Variants in ZNF438 observed in about 807,000 individuals in gnomAD.
ZNF438 encodes zinc finger protein 438.
Under a neutral mutation model 38.0 loss-of-function variants are expected in ZNF438, and 25 were observed. That is an observed-to-expected ratio of 0.66 (90% confidence interval 0.48 to 0.92). The LOEUF (loss-of-function observed/expected upper bound fraction) is 0.92, where lower values mean the gene tolerates loss of function less well. ZNF438 is among the 40% of genes least tolerant of loss of function. The pLI, the probability that ZNF438 is intolerant of heterozygous loss-of-function variation, is 0.00. For missense variants in ZNF438, 1,007 were observed against 999.6 expected (o/e 1.01, Z -0.10); for synonymous variants, 372 against 364.1 (o/e 1.02, Z -0.25).
intron 1 of ZNF438, among the ~76,000 whole-genome samples, chr10:31,025,822 A>G (rs1031692446): frequency 6.6e-6 from 1 of 152,202 alleles, no homozygotes. Flanking sequence ...TGAAGCAAAA[A>G]TAAGTGCTAC....
chr10:30,940,561 T>C (rs950838438), intron 2 of ZNF438, among the ~76,000 whole-genome samples: 5 of 152,192 alleles, frequency 3.3e-5, no homozygotes, highest in African/African-American at 1.2e-4. Context: ...AAAAGCCCAG[T>C]TGGCTCAAGT....
chr10:30,929,892 T>C (rs182029784), intron 2 of ZNF438, among the ~76,000 whole-genome samples: 1 of 152,296 alleles, frequency 6.6e-6, no homozygotes, highest in African/African-American at 2.4e-5. Flanking sequence ...TTGGTGCATT[T>C]ACAAACCCCA....
intron 1 of ZNF438, among the ~76,000 whole-genome samples, chr10:30,964,220 T>C (rs2049866981): frequency 6.6e-6 from 1 of 152,200 alleles, no homozygotes; most frequent in South Asian, 2.1e-4. Context: ...CACCCTTACT[T>C]ATAAATGTCA....
At chr10:30,985,875 T>C (rs564556477) in intron 1 of ZNF438, among the ~76,000 whole-genome samples, 2 of 152,318 alleles carry the variant, frequency 1.3e-5, no homozygotes, top group South Asian at 4.1e-4. Flanking sequence ...CAAGATACCT[T>C]ATTAATATAT....
chr10:30,868,861 GCTTT>G (rs1338485675), intron 4 of ZNF438, among the ~76,000 whole-genome samples: 1 of 152,160 alleles, frequency 6.6e-6, no homozygotes, highest in East Asian at 1.9e-4. Context: ...GTCTCCAACT[GCTTT>G]CTATCAAAGT....
At chr10:30,845,629 C>T in intron 5 of ZNF438, 56 bp from the exon 7 acceptor site, 1 of 1,549,558 alleles carries the variant, frequency 6.5e-7, no homozygotes, top group Non-Finnish European at 8.7e-7. Flanking sequence ...CAATTGGAAT[C>T]TTTCCTCTCA....
chr10:30,856,842 G>T (rs1218901957), intron 4 of ZNF438, among the ~76,000 whole-genome samples: 1 of 152,158 alleles, frequency 6.6e-6, no homozygotes, highest in Non-Finnish European at 1.5e-5. Flanking sequence ...TTTTTAATAT[G>T]TTAAGCATAC....
rs141066283 is a variant in ZNF438 at position 30,852,932 on chromosome 10, T to G, written c.38-2565A>C. On this transcript the variant is annotated intron_variant, in intron 4 of 5. Transcript: ENST00000413025. Reference sequence around the variant, plus strand: ...AAGTTTTATTTTCATAGCCTTTAAATTTAAATGTTTTTCATTTTAAACCTC... The same window carrying G: ...AAGTTTTATTTTCATAGCCTTTAAAGTTAAATGTTTTTCATTTTAAACCTC... 2.5e-3 allele frequency among the ~76,000 whole-genome samples: 382 copies of G among 152,338 alleles called. 2 individuals are homozygous for G. The highest frequency in any genetic ancestry group is 4.0e-3 in the Non-Finnish European group (270 of 68,022).
rs769246164 is a variant in ZNF438, at chr10:30,850,331, C to T, written c.74G>A (p.Arg25Lys). 4 of 1,613,974 alleles carry T rather than the reference C, an allele frequency of 2.5e-6. No homozygotes were observed. Among genetic ancestry groups the T allele is most frequent in the Admixed American group, 1.7e-5 (1 of 59,992 alleles). The change falls in exon 5 of 6, where the codon AGG becomes AAG. Residue 25 changes from arginine (R) to lysine (K), a missense_variant. Coordinates refer to ENST00000413025, the Ensembl canonical transcript of ZNF438. ...CTGACTCTTATTCTGCAAACCTTTC[C>T]TACTCTGTATTGTTCCAGAAGGGAT...
intron 3 of ZNF438, among the ~76,000 whole-genome samples, chr10:30,895,543 AACAGAT>A (rs1374817982): frequency 6.6e-6 from 1 of 152,244 alleles, no homozygotes; most frequent in African/African-American, 2.4e-5. Flanking sequence ...TCCATGTATC[AACAGAT>A]ACAATCAACA....
intron 2 of ZNF438, among the ~76,000 whole-genome samples, chr10:30,934,164 A>AG (rs2045984494): frequency 6.6e-6 from 1 of 151,258 alleles, no homozygotes; most frequent in East Asian, 1.9e-4. Context: ...AAAAAGAAAA[A>AG]AAAAAAAAGA....
At chr10:30,928,554 G>A (rs1431343030) in intron 2 of ZNF438, among the ~76,000 whole-genome samples, 2 of 144,708 alleles carry the variant, frequency 1.4e-5, no homozygotes, top group Admixed American at 6.9e-5. Context: ...AAATCACAAC[G>A]TTTGGACAAA....
At chr10:30,854,086 G>A (rs941658572) in intron 4 of ZNF438, among the ~76,000 whole-genome samples, 3 of 152,298 alleles carry the variant, frequency 2.0e-5, no homozygotes, top group South Asian at 4.1e-4. Flanking sequence ...TTGGGAGGCC[G>A]AGACAGGTGG....
chr10:30,948,183 AG>A (rs1356778514), intron 1 of ZNF438, among the ~76,000 whole-genome samples: 5 of 152,216 alleles, frequency 3.3e-5, no homozygotes, highest in Admixed American at 6.5e-5. Flanking sequence ...CCTGCAGCTG[AG>A]GGGTCCTGTC....
At chr10:30,857,308 G>A (rs1339810169) in intron 4 of ZNF438, among the ~76,000 whole-genome samples, 1 of 139,884 alleles carries the variant, frequency 7.1e-6, no homozygotes, top group Non-Finnish European at 1.5e-5. Context: ...AGGCTGGAAT[G>A]CAGTGGTGAG....
In ZNF438 at chr10:30,918,815, G is replaced by T. The variant is rs12243159; in HGVS notation, c.-114-9800C>A. 4.1e-3 allele frequency among the ~76,000 whole-genome samples: 622 copies of T among 152,270 alleles called. 4 individuals carry two copies. Among genetic ancestry groups the T allele is most frequent in the African/African-American group, 0.014 (570 of 41,534 alleles). ...CATTTTAAGTAGATTATCTGATGGG[G>T]AAGAAAGGTGTCAGACATACCATTA... On this transcript the variant is annotated intron_variant, in intron 2 of 5. Transcript: ENST00000413025.
rs202008352 is a variant in ZNF438, at chr10:30,940,728, A to G, written c.-115+847T>C. 2.6e-5 allele frequency among the ~76,000 whole-genome samples: 4 copies of G among 152,330 alleles called. No homozygotes were observed. The East Asian group carries it at 7.7e-4, about 29-fold the overall frequency. On this transcript the variant is annotated intron_variant, in intron 2 of 5. Coordinates refer to ENST00000413025, the Ensembl canonical transcript of ZNF438. ...TCTAACAATGAACACAGGACAGGGG[A>G]AGAGAGAATGAATACAGAAAGATTA...
chr10:31,021,594 GATTT>G (rs1034646689), intron 1 of ZNF438, among the ~76,000 whole-genome samples: 1 of 151,882 alleles, frequency 6.6e-6, no homozygotes, highest in African/African-American at 2.4e-5. Context: ...TTTTCTTAAT[GATTT>G]ATTATTTGCT....
intron 1 of ZNF438, among the ~76,000 whole-genome samples, chr10:30,976,207 A>C (rs549117041): frequency 3.9e-5 from 6 of 152,234 alleles, no homozygotes; most frequent in Non-Finnish European, 8.8e-5. Context: ...CAAAAAGCTG[A>C]AAAGATCAAT....
Sources: allele counts gnomAD v4.1 joint callset (sites outside exome capture counted in the v4.1 genomes callset), GRCh38; gene constraint gnomAD v4.1.1; transcripts MANE v1.5; gene names NCBI Gene and HGNC (gene_info 2026-07-23, HGNC 2026-07-21).